THSD4: variants seen among roughly 807,000 people sequenced by gnomAD.
The protein encoded by THSD4 is thrombospondin type-1 domain-containing protein 4.
A neutral mutation model predicts 119.0 loss-of-function variants in THSD4; 69 were observed. That is an observed-to-expected ratio of 0.58 (90% CI 0.48 to 0.71). The LOEUF is 0.71. THSD4 is among the 30% of genes least tolerant of loss of function. THSD4 has a pLI of 0.00. For synonymous variants in THSD4, 524 were observed against 540.4 expected (o/e 0.97, Z 0.42); for missense variants, 1,393 against 1,391.1 (o/e 1.00, Z -0.02).
chr15:71,389,753 A>G (rs1025775736), intron 6 of THSD4, among the ~76,000 whole-genome samples: 6 of 149,298 alleles, frequency 4.0e-5, no homozygotes, highest in Non-Finnish European at 7.4e-5. Context: ...CACCAACAGT[A>G]TATATAAGGG....
At chr15:71,113,220 C>T (rs1325435978), upstream of THSD4, among the ~76,000 whole-genome samples, 1 of 152,094 alleles carries the variant, frequency 6.6e-6, no homozygotes, top group Admixed American at 6.5e-5. Context: ...CAAGTATTAT[C>T]TTGACTTTAA....
chr15:71,290,146 G>A (rs2044770831), intron 6 of THSD4, among the ~76,000 whole-genome samples: 1 of 152,158 alleles, frequency 6.6e-6, no homozygotes, highest in Admixed American at 6.5e-5. Flanking sequence ...CTCCCCTACT[G>A]TGTCTTGTTA....
intron 6 of THSD4, among the ~76,000 whole-genome samples, chr15:71,296,612 G>C (rs1253193974): frequency 1.3e-5 from 2 of 152,184 alleles, no homozygotes; most frequent in African/African-American, 2.4e-5. Context: ...CGCAGCACCT[G>C]TCCTGCATTA....
At chr15:71,572,860 A>G (rs568129303) in intron 7 of THSD4, among the ~76,000 whole-genome samples, 6 of 152,234 alleles carry the variant, frequency 3.9e-5, no homozygotes, top group Admixed American at 3.3e-4. Context: ...AAGGCAAACA[A>G]TGTCAAGAAA....
chr15:71,752,506 C>A (rs894025710), intron 14 of THSD4, among the ~76,000 whole-genome samples: 1 of 152,204 alleles, frequency 6.6e-6, no homozygotes, highest in Non-Finnish European at 1.5e-5. Flanking sequence ...GCCTTATCTA[C>A]CCTCAGAATA....
intron 7 of THSD4, among the ~76,000 whole-genome samples, chr15:71,586,489 C>T (rs928575779): frequency 2.0e-5 from 3 of 152,110 alleles, no homozygotes; most frequent in African/African-American, 7.2e-5. Flanking sequence ...TAGCCATTTC[C>T]TTGTTGGCCC....
chr15:71,542,718 A>T (rs1595870934), intron 7 of THSD4, among the ~76,000 whole-genome samples: 1 of 152,028 alleles, frequency 6.6e-6, no homozygotes, highest in Admixed American at 6.6e-5. Flanking sequence ...TCTACTAAAG[A>T]TACAAAAGAT....
rs747578318 is a variant in THSD4, at chr15:71,737,764, G to A, written c.1663G>A (p.Gly555Ser). The A allele has an allele frequency of 3.1e-6, 5 of 1,613,406 alleles. No individual in the cohort carries two copies. Among genetic ancestry groups the A allele is most frequent in the Admixed American group, 1.7e-5 (1 of 59,986 alleles). ...CTTCAATGGCCAGATGGTGACAGAA[G>A]GCAGGAGCCAGGAGGAGGGAGAACA... is the stretch of plus-strand genomic sequence containing the variant. ...EPFNGQMVTE[G>S]RSQEEGEQKG... The change falls in exon 11 of 18, where the codon GGC becomes AGC. Residue 555 changes from glycine to serine, a missense_variant. By Grantham distance (56) the Gly-to-Ser change is moderately conservative. Transcript: ENST00000261862.
chr15:71,325,452 A>C (rs1293512068), intron 6 of THSD4, among the ~76,000 whole-genome samples: 1 of 152,218 alleles, frequency 6.6e-6, no homozygotes, highest in Non-Finnish European at 1.5e-5. Context: ...ATGTATGTAG[A>C]GCTGACAGCC....
chr15:71,387,345 T>C (rs16955532), intron 6 of THSD4, among the ~76,000 whole-genome samples: 5,470 of 152,246 alleles, frequency 0.036, 319 homozygotes, highest in African/African-American at 0.13. Context: ...CCAAACCAAA[T>C]GGTACCCAAG....
At chr15:71,368,148 A>C (rs1408366293) in intron 6 of THSD4, among the ~76,000 whole-genome samples, 2 of 151,828 alleles carry the variant, frequency 1.3e-5, no homozygotes, top group African/African-American at 2.4e-5. Flanking sequence ...TTTTTCTTGT[A>C]AATTTGTTTG....
chr15:71,209,219 G>C (rs992898135), intron 3 of THSD4, among the ~76,000 whole-genome samples: 5 of 152,158 alleles, frequency 3.3e-5, no homozygotes, highest in African/African-American at 7.2e-5. Context: ...GATTTCCTCT[G>C]TCCCTGCTGG....
chr15:71,736,281 C>A (rs1230489920), intron 10 of THSD4, among the ~76,000 whole-genome samples: 1 of 151,740 alleles, frequency 6.6e-6, no homozygotes, highest in Non-Finnish European at 1.5e-5. Flanking sequence ...CACACTCTGT[C>A]TCTCTCGCTC....
At chr15:71,101,969 G>A (rs1245316402) in intron 1 of THSD4, among the ~76,000 whole-genome samples, 5 of 151,972 alleles carry the variant, frequency 3.3e-5, no homozygotes, top group South Asian at 4.1e-4. Context: ...CCCCTTGGCC[G>A]CCCAAAGTGC....
intron 6 of THSD4, among the ~76,000 whole-genome samples, chr15:71,407,280 T>C (rs2046621648): frequency 6.6e-6 from 1 of 152,206 alleles, no homozygotes; most frequent in East Asian, 1.9e-4. Flanking sequence ...AGTTACCTTT[T>C]GGAGACTCCG....
chr15:71,429,313 G>A (rs2046913295), intron 7 of THSD4, among the ~76,000 whole-genome samples: 1 of 152,174 alleles, frequency 6.6e-6, no homozygotes, highest in African/African-American at 2.4e-5. Context: ...TAATGGACTT[G>A]GAAAATACAC....
intron 6 of THSD4, among the ~76,000 whole-genome samples, chr15:71,381,321 G>A (rs1051672754): frequency 6.6e-6 from 1 of 152,098 alleles, no homozygotes; most frequent in African/African-American, 2.4e-5. Context: ...AATTTAATTT[G>A]GATCAATCTT....
At chr15:71,331,336 A>G (rs1292815956) in intron 6 of THSD4, among the ~76,000 whole-genome samples, 1 of 152,188 alleles carries the variant, frequency 6.6e-6, no homozygotes, top group African/African-American at 2.4e-5. Flanking sequence ...CTCTGAAGGT[A>G]GTCAGGTCTC....
intron 7 of THSD4, among the ~76,000 whole-genome samples, chr15:71,641,910 C>G (rs1470318840): frequency 6.6e-6 from 1 of 152,154 alleles, no homozygotes; most frequent in Non-Finnish European, 1.5e-5. Context: ...GTTCTCCTTG[C>G]ATCAGGGTGC....
Sources: gnomAD v4.1 joint callset for allele counts (sites outside exome capture counted in the v4.1 genomes callset) on GRCh38, gnomAD v4.1.1 for gene constraint, MANE v1.5 for transcripts, NCBI Gene and HGNC (gene_info 2026-07-23, HGNC 2026-07-21) for gene names.